Variants in CLCN1 observed in about 807,000 individuals in gnomAD.
CLCN1 encodes the protein chloride voltage-gated channel 1, also known as chloride channel protein 1.
In CLCN1, 100 loss-of-function variants were observed where a neutral mutation model predicts 114.5. The ratio of observed to expected loss-of-function variants is 0.87; its 90% CI spans 0.74 to 1.03. The LOEUF (loss-of-function observed/expected upper bound fraction) is 1.03. CLCN1 is among the 50% of genes least tolerant of loss of function. The pLI is 0.00. For missense variants in CLCN1, 1,188 were observed against 1,250.0 expected (o/e 0.95, Z 0.75); for synonymous variants, 485 against 487.1 (o/e 1.00, Z 0.06).
At position 143,331,770 on chromosome 7, in the gene CLCN1, A is replaced by G. The variant is rs556335763; in HGVS notation, c.1166+118A>G. The stretch of plus-strand genomic sequence containing the variant: ...CTCTGGGTGGCTTGCATTAAAATAT[A>G]AGGAAGCTCTGATATTGTGGTTAGG... On this transcript the variant is annotated intron_variant, in intron 10 of 22. Coordinates refer to ENST00000343257, the MANE Select transcript of CLCN1 (RefSeq NM_000083.3). The G allele has an allele frequency of 4.0e-6, 3 of 742,220 alleles. No homozygotes were observed. The East Asian group carries it at 7.9e-5, about 19-fold the overall frequency. The allele number at this position is 742,220 out of a possible 1,614,324, so 46.0% of individuals were successfully genotyped here.
intron 7 of CLCN1, among the ~76,000 whole-genome samples, chr7:143,327,677 G>C (rs1563077156): frequency 6.6e-6 from 1 of 152,122 alleles, no homozygotes; most frequent in Admixed American, 6.5e-5. Context: ...CTTTTTGAGA[G>C]AGGGCCTTGC....
In CLCN1 at chr7:143,316,206, A is replaced by C. The variant is rs765154261; in HGVS notation, c.-7A>C. 5.0e-5 allele frequency: 81 copies of C among 1,609,406 alleles called. No homozygotes were observed. In the African/African-American group the frequency reaches 1.0e-3, roughly 20 times the overall value. On this transcript the variant is annotated 5_prime_UTR_variant, in exon 1 of 23. Coordinates refer to ENST00000343257, the MANE Select transcript of CLCN1 (RefSeq NM_000083.3). ...CAAGGCCTGGCCGGGGCTCGGGGGGAGGGAATATGGAGCAATCCCGGTCAC... is the reference window on the plus strand; with the variant it reads ...CAAGGCCTGGCCGGGGCTCGGGGGGCGGGAATATGGAGCAATCCCGGTCAC...
At chr7:143,325,786 T>C (rs1802557818) in intron 7 of CLCN1, among the ~76,000 whole-genome samples, 2 of 152,198 alleles carry the variant, frequency 1.3e-5, no homozygotes, top group African/African-American at 4.8e-5. Flanking sequence ...GAAAAGTTCT[T>C]CTTGGTCCTG....
rs766432255 is a variant in CLCN1 at position 143,342,069 on chromosome 7, C to T, written c.1723C>T (p.Pro575Ser). The change falls in exon 15 of 23, where the codon CCC becomes TCC. Residue 575 changes from proline (P) to serine (S), a missense_variant. Transcript: ENST00000343257. The part of the protein sequence containing the change: ...LANMVAQSLQ[P>S]SLYDSIIQVK... ...CAACATGGTGGCCCAGAGCCTGCAG[C>T]CCTCTCTCTATGACAGCATCATCCA... 38 of 1,614,048 alleles carry T rather than the reference C, an allele frequency of 2.4e-5. No homozygotes were observed. The East Asian group carries it at 7.6e-4, about 32-fold the overall frequency.
At chr7:143,336,967 C>G (rs1269564269) in intron 12 of CLCN1, among the ~76,000 whole-genome samples, 1 of 152,148 alleles carries the variant, frequency 6.6e-6, no homozygotes, top group East Asian at 1.9e-4. Context: ...GTACTTATTT[C>G]AAAGAGATGG....
rs775701668 is a variant in CLCN1, at chr7:143,342,146, A to T, written c.1796+4A>T. 1 of 1,613,404 alleles carries T rather than the reference A, an allele frequency of 6.2e-7. No individual in the cohort carries two copies. The highest frequency in any genetic ancestry group is 8.5e-7 in the Non-Finnish European group (1 of 1,179,368). On this transcript the variant is annotated splice_donor_region_variant and intron_variant, in intron 15 of 22. Coordinates refer to ENST00000343257, the MANE Select transcript of CLCN1 (RefSeq NM_000083.3). ...ACCTTGGCTGGAACCAGCTCAGGTC[A>T]GGGGCACTAGACGGAATTAGTTCAG...
At position 143,350,938 on chromosome 7, in the gene CLCN1, C is replaced by T. The variant is rs553726307; in HGVS notation, c.2595+284C>T. Among the ~76,000 whole-genome samples, 3 of 152,200 alleles carry T rather than the reference C, an allele frequency of 2.0e-5. No homozygotes were observed. Among genetic ancestry groups the T allele is most frequent in the South Asian group, 2.1e-4 (1 of 4,822 alleles). Reference sequence around the variant, plus strand: ...GATTACAGGCGCCCGCTACCACACCCGCTAATTTTTTGTATTTTTAGTAGA... The same window carrying T: ...GATTACAGGCGCCCGCTACCACACCTGCTAATTTTTTGTATTTTTAGTAGA... On this transcript the variant is annotated intron_variant, in intron 22 of 22. Transcript: ENST00000343257. The surrounding 1 kb of genome is among the most constrained non-coding windows in gnomAD (Gnocchi z 5.1).
intron 12 of CLCN1, among the ~76,000 whole-genome samples, chr7:143,333,579 T>C (rs1802788327): frequency 1.3e-5 from 2 of 152,220 alleles, no homozygotes; most frequent in Admixed American, 1.3e-4. Context: ...TATCTGATGA[T>C]CCATTTTTTA....
At position 143,332,306 on chromosome 7, in the gene CLCN1, T is replaced by C. The variant is rs117748860; in HGVS notation, c.1167-113T>C. On this transcript the variant is annotated intron_variant, in intron 10 of 22. Transcript: ENST00000343257. ...TTTTGTGTGAAGAGAATCTTTTTCA[T>C]TTAAAGAAATGAGACTACGGTGGAC... The C allele has an allele frequency of 6.7e-3, 5,789 of 869,006 alleles. 26 individuals carry two copies. Among genetic ancestry groups the C allele is most frequent in the Middle Eastern group, 0.02 (88 of 4,416 alleles). The allele number at this position is 869,006 out of a possible 1,614,324, so 53.8% of individuals were successfully genotyped here. A position where few individuals can be genotyped will look rare whatever the true frequency, so the allele number is the denominator to read the frequency against.
Position 143,338,785 on chromosome 7 carries a change from C to A in CLCN1, c.1402-468C>A, listed in dbSNP as rs186767800. The stretch of plus-strand genomic sequence containing the variant: ...TTGGGTGCTGGGTGGCAGAGAGAGA[C>A]CCTGTCTCAAAAAAAAAAAAAAAGA... On this transcript the variant is annotated intron_variant, in intron 12 of 22. Transcript: ENST00000343257. Among the ~76,000 whole-genome samples, 14 of 144,618 alleles carry A rather than the reference C, an allele frequency of 9.7e-5. No individual in the cohort carries two copies. In the East Asian group the frequency reaches 2.6e-3, roughly 26 times the overall value. 94.9% of individuals were successfully genotyped at this position (144,618 alleles called of 152,430 possible). A position where few individuals can be genotyped will look rare whatever the true frequency, so the allele number is the denominator to read the frequency against.
chr7:143,330,968 C>G, intron 8 of CLCN1, 71 bp downstream of exon 8: 1 of 1,606,918 alleles, frequency 6.2e-7, no homozygotes, highest in Non-Finnish European at 8.5e-7. Context: ...GAGGAAAACT[C>G]TGTGGGGCAG....
chr7:143,329,829 T>G (rs1563078212), intron 7 of CLCN1, among the ~76,000 whole-genome samples: 1 of 152,172 alleles, frequency 6.6e-6, no homozygotes, highest in East Asian at 1.9e-4. Context: ...TGTCATCAAT[T>G]TTTACTTTGC....
At chr7:143,317,107 G>A (rs1216494300) in intron 1 of CLCN1, among the ~76,000 whole-genome samples, 1 of 152,102 alleles carries the variant, frequency 6.6e-6, no homozygotes, top group African/African-American at 2.4e-5. Flanking sequence ...GAATGGGGAT[G>A]GGCACAACTA....
intron 16 of CLCN1, among the ~76,000 whole-genome samples, chr7:143,343,340 A>G (rs990967838): frequency 6.6e-6 from 1 of 152,202 alleles, no homozygotes; most frequent in Non-Finnish European, 1.5e-5. Context: ...AAGCACAAAA[A>G]TGCAAAAAGG....
chr7:143,332,825 C>A lies in CLCN1; in HGVS notation c.1353C>A (p.His451Gln). 1 of 1,614,036 alleles carries A rather than the reference C, an allele frequency of 6.2e-7. No homozygotes were observed. Among genetic ancestry groups the A allele is most frequent in the Middle Eastern group, 1.6e-4 (1 of 6,062 alleles). ...TGGGCCAGTCAGCTGTGTGGATTCA[C>A]CCCCGGGTCAACGTTGTCATCATCA... is the stretch of plus-strand genomic sequence containing the variant. ...ESLGQSAVWIHPRVNVVIIIF... is the reference protein window; with the variant it reads ...ESLGQSAVWIQPRVNVVIIIF... Residue 451 changes from histidine to glutamine, a missense_variant, in exon 12 of 23, where the codon CAC becomes CAA. By Grantham distance (24) the His-to-Gln change is conservative. Coordinates refer to ENST00000343257, the MANE Select transcript of CLCN1 (RefSeq NM_000083.3).
intron 17 of CLCN1, 110 bp from the exon 18 acceptor site, chr7:143,346,030 T>TG: frequency 3.5e-6 from 3 of 863,280 alleles, no homozygotes; most frequent in Non-Finnish European, 5.9e-6. Flanking sequence ...ATTTCTGAAC[T>TG]GGGGGGAAGA....
Position 143,327,119 on chromosome 7 carries a change from A to G in CLCN1, c.853+2627A>G, listed in dbSNP as rs1029916073. ...AAATTAGCTGGGTGTGGTGGCAGGC[A>G]CTTGTAGTCCCAGCTACTTGGGAGG... On this transcript the variant is annotated intron_variant, in intron 7 of 22. Coordinates refer to ENST00000343257, the MANE Select transcript of CLCN1 (RefSeq NM_000083.3). Among the ~76,000 whole-genome samples the G allele has an allele frequency of 2.6e-5, 4 of 152,040 alleles. No homozygotes were observed. The East Asian group carries it at 7.7e-4, about 29-fold the overall frequency.
chr7:143,324,217 G>A lies in CLCN1; in HGVS notation c.775-197G>A, dbSNP rs1029107778. On this transcript the variant is annotated intron_variant, in intron 6 of 22. Transcript: ENST00000343257. This position sits in a 1 kb window ranked among gnomAD's most constrained non-coding sequence, Gnocchi z 4.6. ...ACCTTCTATTTCATTTTGACACTGT[G>A]CTATGAGGTTAATTCCTTTTTGCCA... Among the ~76,000 whole-genome samples the A allele has an allele frequency of 6.6e-6, 1 of 152,122 alleles. No individual in the cohort carries two copies. Among genetic ancestry groups the A allele is most frequent in the African/African-American group, 2.4e-5 (1 of 41,406 alleles).
chr7:143,320,605 TTTTGTTTG>T (rs764855488), intron 2 of CLCN1, 51 bp from the exon 3 acceptor site: 3 of 1,344,110 alleles, frequency 2.2e-6, no homozygotes, highest in East Asian at 2.3e-5. Context: ...ATATATATAT[TTTTGTTTG>T]TTTGTTTGTT....
Sources: allele counts gnomAD v4.1 joint callset (sites outside exome capture counted in the v4.1 genomes callset), GRCh38; gene constraint gnomAD v4.1.1; non-coding constraint Gnocchi (gnomAD v3.1); transcripts MANE v1.5; gene names NCBI Gene and HGNC (gene_info 2026-07-23, HGNC 2026-07-21).